Variants in LPP observed in about 807,000 individuals in gnomAD.
LPP encodes the protein lipoma-preferred partner.
In LPP, 38 loss-of-function variants were observed where a neutral mutation model predicts 60.4. That is an observed-to-expected ratio of 0.63 (90% confidence interval 0.49 to 0.83). The LOEUF is 0.83. Among genes scored for constraint, LPP ranks in the 40% least tolerant of loss-of-function variants. LPP has a pLI of 0.00. For missense variants in LPP, 902 were observed against 783.6 expected, an observed-to-expected ratio of 1.15 and a Z score of -1.80; for synonymous variants, 328 against 290.8, an observed-to-expected ratio of 1.13 and a Z score of -1.30.
chr3:188,378,474 C>T (rs1156361047), intron 3 of LPP, among the ~76,000 whole-genome samples: 1 of 152,184 alleles, frequency 6.6e-6, no homozygotes, highest in Admixed American at 6.5e-5. Flanking sequence ...GCTGTGCTAG[C>T]AATGAGTGAG....
At chr3:188,704,567 T>C (rs1436242100) in intron 7 of LPP, among the ~76,000 whole-genome samples, 2 of 152,192 alleles carry the variant, frequency 1.3e-5, no homozygotes, top group Admixed American at 1.3e-4. Context: ...CATTTCAGTC[T>C]TGCTGCTCTC....
chr3:188,536,528 T>A (rs1560533897), intron 6 of LPP, among the ~76,000 whole-genome samples: 1 of 152,222 alleles, frequency 6.6e-6, no homozygotes, highest in Non-Finnish European at 1.5e-5. Context: ...AAACTTTGTG[T>A]CCATACACAT....
chr3:188,365,535 C>T (rs951594185), intron 3 of LPP, among the ~76,000 whole-genome samples: 4 of 152,132 alleles, frequency 2.6e-5, no homozygotes, highest in Non-Finnish European at 4.4e-5. Flanking sequence ...GAGTTTTAGC[C>T]TAGACCTTAG....
chr3:188,166,298 G>C (rs1392106986), intron 1 of LPP, among the ~76,000 whole-genome samples: 5 of 152,106 alleles, frequency 3.3e-5, no homozygotes, highest in Admixed American at 3.3e-4. Flanking sequence ...AAGGCAGAGA[G>C]AGTTAAAAAT....
intron 3 of LPP, among the ~76,000 whole-genome samples, chr3:188,367,371 A>G (rs1056524791): frequency 6.6e-6 from 1 of 152,206 alleles, no homozygotes; most frequent in Non-Finnish European, 1.5e-5. Flanking sequence ...AAGAAGTAGA[A>G]ATCACTCTGA....
chr3:188,578,178 G>A (rs922007557), intron 6 of LPP, among the ~76,000 whole-genome samples: 1 of 151,936 alleles, frequency 6.6e-6, no homozygotes, highest in African/African-American at 2.4e-5. Context: ...AAGACTGGTG[G>A]TTGCAGTAAA....
intron 2 of LPP, among the ~76,000 whole-genome samples, chr3:188,277,866 G>A (rs371420370): frequency 6.6e-6 from 1 of 152,174 alleles, no homozygotes; most frequent in African/African-American, 2.4e-5. Context: ...GACCATCCCT[G>A]GCTATTGTCA....
intron 4 of LPP, among the ~76,000 whole-genome samples, chr3:188,411,921 A>G (rs1784973773): frequency 6.6e-6 from 1 of 152,120 alleles, no homozygotes; most frequent in Non-Finnish European, 1.5e-5. Flanking sequence ...TTAATGGCAA[A>G]AACCACGATT....
At chr3:188,318,750 A>ATTTTTTTTTTTTTTTTT (rs1578073052) in intron 2 of LPP, among the ~76,000 whole-genome samples, 3 of 120,496 alleles carry the variant, frequency 2.5e-5, no homozygotes, top group Non-Finnish European at 5.1e-5. Context: ...AAAAATTATG[A>ATTTTTTTTTTTTTTTTT]TTCTTTTTTT....
chr3:188,634,651 T>G (rs1489518428), intron 7 of LPP, among the ~76,000 whole-genome samples: 1 of 152,184 alleles, frequency 6.6e-6, no homozygotes, highest in Admixed American at 6.5e-5. Flanking sequence ...TATTGTGAAC[T>G]GCACATGCGA....
chr3:188,282,652 C>T (rs115674869), intron 2 of LPP, among the ~76,000 whole-genome samples: 4,490 of 152,198 alleles, frequency 0.03, 248 homozygotes, highest in African/African-American at 0.1. Flanking sequence ...CTTTTGGCCC[C>T]TGCCTCTCCA....
At chr3:188,294,802 C>T (rs2150081813) in intron 2 of LPP, among the ~76,000 whole-genome samples, 1 of 152,256 alleles carries the variant, frequency 6.6e-6, no homozygotes, top group Admixed American at 6.5e-5. Context: ...AAAACAGGTG[C>T]CCAGGGAATA....
chr3:188,874,027 G>A (rs1368224674), intron 11 of LPP, among the ~76,000 whole-genome samples: 1 of 152,110 alleles, frequency 6.6e-6, no homozygotes, highest in African/African-American at 2.4e-5. Context: ...CTCTTGTTGA[G>A]TGGGGGCAGC....
chr3:188,259,604 T>G (rs1732867791), intron 2 of LPP, among the ~76,000 whole-genome samples: 1 of 152,236 alleles, frequency 6.6e-6, no homozygotes, highest in Non-Finnish European at 1.5e-5. Flanking sequence ...ACTGTAAGCT[T>G]CTGCAGGGTG....
intron 4 of LPP, among the ~76,000 whole-genome samples, chr3:188,439,538 C>G (rs1024345942): frequency 5.9e-5 from 9 of 152,256 alleles, no homozygotes; most frequent in Admixed American, 2.0e-4. Context: ...AACAAAAGTC[C>G]CTTGGCACTC....
At chr3:188,256,492 C>G (rs1171542844) in intron 2 of LPP, among the ~76,000 whole-genome samples, 1 of 152,086 alleles carries the variant, frequency 6.6e-6, no homozygotes. Context: ...CCATTAAGAA[C>G]CATTTTTAAC....
chr3:188,307,139 G>GT (rs1476143934), intron 2 of LPP, among the ~76,000 whole-genome samples: 1 of 152,192 alleles, frequency 6.6e-6, no homozygotes, highest in Non-Finnish European at 1.5e-5. Flanking sequence ...ACCCAAAGAG[G>GT]TGTCTATTAC....
At chr3:188,381,463 G>A (rs1474276) in intron 3 of LPP, among the ~76,000 whole-genome samples, 131,128 of 152,042 alleles carry the variant, frequency 0.86, 58,576 homozygotes, top group Non-Finnish European at 0.97. Context: ...GGACTGTCCA[G>A]CTCTTCTGTG....
Position 188,234,569 on chromosome 3 carries a change from A to G in LPP, c.-67+9042A>G, listed in dbSNP as rs555301910. On this transcript the variant is annotated intron_variant, in intron 2 of 11. Transcript: ENST00000617246. ...CTTGTGAAGTGTCTTGCCCAAGATCACGTAGCCCATTAAGTTTTAGAAGCT... is the reference window on the plus strand; with the variant it reads ...CTTGTGAAGTGTCTTGCCCAAGATCGCGTAGCCCATTAAGTTTTAGAAGCT... 5.3e-5 allele frequency among the ~76,000 whole-genome samples: 8 copies of G among 152,322 alleles called. No individual in the cohort carries two copies. In the South Asian group the frequency reaches 1.7e-3, roughly 32 times the overall value.
Sources: gnomAD v4.1 joint callset for allele counts (sites outside exome capture counted in the v4.1 genomes callset) on GRCh38, gnomAD v4.1.1 for gene constraint, MANE v1.5 for transcripts, NCBI Gene and HGNC (gene_info 2026-07-23, HGNC 2026-07-21) for gene names.